Variants in SUGCT observed in about 807,000 individuals in gnomAD.
SUGCT encodes succinyl-CoA:glutarate-CoA transferase.
In SUGCT, 41 loss-of-function variants were observed where a neutral mutation model predicts 55.0. The ratio of observed to expected loss-of-function variants is 0.74; its 90% CI spans 0.58 to 0.97. The LOEUF (loss-of-function observed/expected upper bound fraction) is 0.97, where lower values mean the gene tolerates loss of function less well. SUGCT is among the 50% of genes least tolerant of loss of function. SUGCT has a pLI of 0.00. For synonymous variants in SUGCT, 187 were observed against 200.4 expected (o/e 0.93, Z 0.56); for missense variants, 568 against 547.8 (o/e 1.04, Z -0.37).
chr7:40,607,509 G>GA (rs1230291360), intron 12 of SUGCT, among the ~76,000 whole-genome samples: 1 of 152,152 alleles, frequency 6.6e-6, no homozygotes, highest in Non-Finnish European at 1.5e-5. Context: ...CCAGAGTTTG[G>GA]ATGATGTTAC....
rs866462214 is a variant in SUGCT at position 40,424,293 on chromosome 7, A to G, written c.817-24994A>G. Reference sequence around the variant, plus strand: ...GAGATGGTGACAAAAGTATTGGAGTATGTCAGCGCCTGGAAGGCCATTTCT... The same window carrying G: ...GAGATGGTGACAAAAGTATTGGAGTGTGTCAGCGCCTGGAAGGCCATTTCT... On this transcript the variant is annotated intron_variant, in intron 9 of 13. Transcript: ENST00000335693. Among the ~76,000 whole-genome samples the G allele has an allele frequency of 4.6e-5, 7 of 152,292 alleles. No homozygotes were observed. The South Asian group carries it at 1.2e-3, about 27-fold the overall frequency.
the SUGCT span, among the ~76,000 whole-genome samples, chr7:41,025,350 T>A: frequency 6.6e-6 from 1 of 152,122 alleles, no homozygotes; most frequent in Non-Finnish European, 1.5e-5. Flanking sequence ...TTATTTTCCA[T>A]GTTTGAAAGA....
intron 12 of SUGCT, among the ~76,000 whole-genome samples, chr7:40,693,929 C>T (rs531314299): frequency 3.3e-5 from 5 of 152,304 alleles, no homozygotes; most frequent in East Asian, 1.9e-4. Flanking sequence ...CTCAGAAAAA[C>T]GTCCTGCTGT....
chr7:40,772,270 C>T (rs1245289031), intron 13 of SUGCT, among the ~76,000 whole-genome samples: 1 of 152,086 alleles, frequency 6.6e-6, no homozygotes, highest in African/African-American at 2.4e-5. Flanking sequence ...TGCTGAATAT[C>T]AGCCCATACG....
chr7:40,426,296 G>A (rs550419469), intron 9 of SUGCT, among the ~76,000 whole-genome samples: 1 of 152,124 alleles, frequency 6.6e-6, no homozygotes, highest in Non-Finnish European at 1.5e-5. Flanking sequence ...TTTGATTATA[G>A]CACGGAGACT....
intron 9 of SUGCT, among the ~76,000 whole-genome samples, chr7:40,376,168 T>C (rs568547496): frequency 6.6e-6 from 1 of 152,322 alleles, no homozygotes; most frequent in East Asian, 1.9e-4. Flanking sequence ...CAGAAAAAGC[T>C]ATGAAGGGAA....
chr7:40,606,380 G>T (rs969747258), intron 12 of SUGCT, among the ~76,000 whole-genome samples: 1 of 152,140 alleles, frequency 6.6e-6, no homozygotes, highest in Non-Finnish European at 1.5e-5. Flanking sequence ...AAGCGACCAC[G>T]TGTGAGGATA....
At chr7:40,273,055 G>A (rs1792204034) in intron 7 of SUGCT, among the ~76,000 whole-genome samples, 2 of 152,038 alleles carry the variant, frequency 1.3e-5, no homozygotes, top group Non-Finnish European at 2.9e-5. Context: ...CTTTGAACTT[G>A]TCTCTCACTT....
chr7:40,575,882 T>A (rs1171000206), intron 12 of SUGCT, among the ~76,000 whole-genome samples: 1 of 149,260 alleles, frequency 6.7e-6, no homozygotes, highest in Non-Finnish European at 1.5e-5. Flanking sequence ...AGGGGGAGGT[T>A]GCAGTGAGCC....
chr7:40,752,227 T>C (rs922053264), intron 13 of SUGCT, among the ~76,000 whole-genome samples: 3 of 152,188 alleles, frequency 2.0e-5, no homozygotes, highest in African/African-American at 4.8e-5. Flanking sequence ...CGTGTGTCTC[T>C]CCTACTCTTC....
At chr7:40,342,010 T>A (rs1797076363) in intron 9 of SUGCT, among the ~76,000 whole-genome samples, 1 of 152,242 alleles carries the variant, frequency 6.6e-6, no homozygotes, top group Non-Finnish European at 1.5e-5. Context: ...CCTGCACATG[T>A]GGTGCAGTGG....
intron 13 of SUGCT, among the ~76,000 whole-genome samples, chr7:40,759,421 T>C (rs1584397044): frequency 2.0e-5 from 3 of 152,340 alleles, no homozygotes; most frequent in Admixed American, 2.0e-4. Context: ...GAATACTTTA[T>C]ATACACCATT....
chr7:40,378,124 T>C (rs201464634), intron 9 of SUGCT, among the ~76,000 whole-genome samples: 2 of 45,912 alleles, frequency 4.4e-5, no homozygotes, highest in South Asian at 5.8e-4. Context: ...ATTTTTTTTT[T>C]CCAAAAAAGA....
rs570789153 is a variant in SUGCT at position 40,657,823 on chromosome 7, T to C, written c.1090-91611T>C. On this transcript the variant is annotated intron_variant, in intron 12 of 13. Coordinates refer to ENST00000335693, the MANE Select transcript of SUGCT (RefSeq NM_001193313.2). ...TGCTGGAATTACAGGCCTGAGCCAC[T>C]GCGCCCGGCCATGAAGTAGATTTTA... Among the ~76,000 whole-genome samples, 22 of 152,294 alleles carry C rather than the reference T, an allele frequency of 1.4e-4. No homozygotes were observed. The South Asian group carries it at 2.5e-3, about 17-fold the overall frequency.
intron 9 of SUGCT, among the ~76,000 whole-genome samples, chr7:40,429,803 T>C (rs561843112): frequency 6.6e-6 from 1 of 152,356 alleles, no homozygotes; most frequent in African/African-American, 2.4e-5. Context: ...CATCATTCAA[T>C]CTAATCAAGT....
At chr7:40,962,585 AC>A in the SUGCT span, among the ~76,000 whole-genome samples, 1 of 151,306 alleles carries the variant, frequency 6.6e-6, no homozygotes, top group African/African-American at 2.4e-5. Flanking sequence ...ACACACACAC[AC>A]ACACACACAC....
chr7:40,370,570 G>A (rs1784244160), intron 9 of SUGCT, among the ~76,000 whole-genome samples: 1 of 150,616 alleles, frequency 6.6e-6, no homozygotes, highest in Non-Finnish European at 1.5e-5. Flanking sequence ...AAAGGAGAGA[G>A]AGAGAGAAGA....
At chr7:40,814,260 G>A (rs1402068304) in intron 13 of SUGCT, among the ~76,000 whole-genome samples, 1 of 152,094 alleles carries the variant, frequency 6.6e-6, no homozygotes, top group Middle Eastern at 3.2e-3. Context: ...CAAGATAAGG[G>A]AAATTTTCTT....
downstream of SUGCT, among the ~76,000 whole-genome samples, chr7:40,861,231 A>G (rs1247442175): frequency 6.6e-6 from 1 of 152,238 alleles, no homozygotes; most frequent in Non-Finnish European, 1.5e-5. Context: ...CCAAGTGAAA[A>G]TGCAACAGGG....
Sources: gnomAD v4.1 joint callset for allele counts (sites outside exome capture counted in the v4.1 genomes callset) on GRCh38, gnomAD v4.1.1 for gene constraint, MANE v1.5 for transcripts, NCBI Gene and HGNC (gene_info 2026-07-23, HGNC 2026-07-21) for gene names.